B3GALT1: variants seen among roughly 807,000 people sequenced by gnomAD.
B3GALT1 encodes UDP-Gal:betaGlcNAc beta 1,3-galactosyltransferase, polypeptide 1.
Under a neutral mutation model 23.2 loss-of-function variants are expected in B3GALT1, and 10 were observed. The ratio of observed to expected loss-of-function variants is 0.43; its 90% CI spans 0.27 to 0.73. B3GALT1 has a LOEUF of 0.73. Among genes scored for constraint, B3GALT1 ranks in the 30% least tolerant of loss-of-function variants. The probability of loss-of-function intolerance (pLI) is 0.21; values close to 1 mark genes in which losing one functional copy is unlikely to be tolerated. For missense variants in B3GALT1, 299 were observed against 405.4 expected (o/e 0.74, Z 2.25); for synonymous variants, 156 against 141.5 (o/e 1.10, Z -0.73).
intron 3 of B3GALT1, among the ~76,000 whole-genome samples, chr2:167,650,839 A>G (rs2105463777): frequency 6.6e-6 from 1 of 152,264 alleles, no homozygotes; most frequent in Non-Finnish European, 1.5e-5. Context: ...AGTTCAAAGA[A>G]GAAATACTCC....
At chr2:167,426,766 G>A (rs898666376) in intron 1 of B3GALT1, among the ~76,000 whole-genome samples, 8 of 152,122 alleles carry the variant, frequency 5.3e-5, no homozygotes, top group African/African-American at 1.7e-4. Flanking sequence ...ATGCACTGCC[G>A]ATAAGTGTAT....
At chr2:167,368,888 G>A (rs187215087) in intron 1 of B3GALT1, among the ~76,000 whole-genome samples, 3 of 151,760 alleles carry the variant, frequency 2.0e-5, no homozygotes, top group Admixed American at 2.0e-4. Context: ...GGTATTGCAT[G>A]CTTCCCCCCC....
rs189669743 is a variant in B3GALT1 at position 167,717,466 on chromosome 2, G to C, written c.-352+70500G>C. Among the ~76,000 whole-genome samples, 5 of 146,352 alleles carry C rather than the reference G, an allele frequency of 3.4e-5. No individual in the cohort carries two copies. In the East Asian group the frequency reaches 8.3e-4, roughly 24 times the overall value. Reference sequence around the variant, plus strand: ...ACTATACATGTTTTATACAGTGATAGTCATGTTGTTATACATAGTTTTTTT... The same window carrying C: ...ACTATACATGTTTTATACAGTGATACTCATGTTGTTATACATAGTTTTTTT... On this transcript the variant is annotated intron_variant, in intron 3 of 4. Transcript: ENST00000392690.
At chr2:167,372,176 C>T (rs1174332920) in intron 1 of B3GALT1, among the ~76,000 whole-genome samples, 1 of 151,878 alleles carries the variant, frequency 6.6e-6, no homozygotes, top group Non-Finnish European at 1.5e-5. Flanking sequence ...AAATGAAAAG[C>T]TAATGTAACA....
intron 1 of B3GALT1, among the ~76,000 whole-genome samples, chr2:167,331,500 C>A (rs1200883262): frequency 6.6e-6 from 1 of 152,144 alleles, no homozygotes; most frequent in African/African-American, 2.4e-5. Context: ...ATGGGTTGTA[C>A]AAGCTGGTCC....
chr2:167,628,964 C>T (rs1212156511), intron 2 of B3GALT1, among the ~76,000 whole-genome samples: 1 of 151,474 alleles, frequency 6.6e-6, no homozygotes, highest in Non-Finnish European at 1.5e-5. Context: ...AGAAAATGCG[C>T]CAGAATCTAG....
intron 2 of B3GALT1, among the ~76,000 whole-genome samples, chr2:167,627,991 G>T (rs1321844423): frequency 6.6e-6 from 1 of 151,562 alleles, no homozygotes; most frequent in Non-Finnish European, 1.5e-5. Context: ...TTTTCTACCT[G>T]CCTCAATTCT....
intron 1 of B3GALT1, among the ~76,000 whole-genome samples, chr2:167,313,827 T>C (rs755808358): frequency 6.6e-6 from 1 of 152,168 alleles, no homozygotes; most frequent in African/African-American, 2.4e-5. Context: ...TCCAGGTCAC[T>C]GGGAGTCACT....
intron 2 of B3GALT1, among the ~76,000 whole-genome samples, chr2:167,643,670 C>T (rs1685693787): frequency 6.6e-6 from 1 of 152,176 alleles, no homozygotes. Flanking sequence ...TCCATACACC[C>T]AGCCCTCCTA....
intron 3 of B3GALT1, among the ~76,000 whole-genome samples, chr2:167,790,920 C>A (rs541080544): frequency 6.6e-6 from 1 of 152,102 alleles, no homozygotes; most frequent in African/African-American, 2.4e-5. Context: ...TTAAACAAGG[C>A]GCTTCCCTTT....
chr2:167,865,781 G>A (rs1690202774), intron 4 of B3GALT1, among the ~76,000 whole-genome samples: 1 of 152,270 alleles, frequency 6.6e-6, no homozygotes, highest in South Asian at 2.1e-4. Context: ...AACAGAGCGA[G>A]ACTCCGTCTC....
chr2:167,431,105 G>A (rs1351765002), intron 1 of B3GALT1, among the ~76,000 whole-genome samples: 1 of 152,160 alleles, frequency 6.6e-6, no homozygotes, highest in Non-Finnish European at 1.5e-5. Flanking sequence ...AGCCAATTGA[G>A]TGGATAGTAC....
intron 2 of B3GALT1, among the ~76,000 whole-genome samples, chr2:167,636,777 T>C (rs1362775316): frequency 2.0e-5 from 3 of 151,556 alleles, no homozygotes; most frequent in African/African-American, 7.3e-5. Flanking sequence ...TAAGTGGGAG[T>C]TGAACAATGA....
intron 2 of B3GALT1, among the ~76,000 whole-genome samples, chr2:167,500,183 T>G (rs1190182823): frequency 6.6e-6 from 1 of 152,194 alleles, no homozygotes; most frequent in East Asian, 1.9e-4. Context: ...GGATAGAAGA[T>G]GCAGTTTTGC....
Position 167,692,395 on chromosome 2 carries a change from G to A in B3GALT1, c.-352+45429G>A, listed in dbSNP as rs139951013. 1.3e-3 allele frequency among the ~76,000 whole-genome samples: 195 copies of A among 152,084 alleles called. 5 individuals carry two copies. The East Asian group carries it at 0.03, about 23-fold the overall frequency. On this transcript the variant is annotated intron_variant, in intron 3 of 4. Transcript: ENST00000392690. ...TTCCATGGCCTTTGGGGTAATTTGC[G>A]TAATCATGTACTTAGAGTCTACCTT...
intron 2 of B3GALT1, among the ~76,000 whole-genome samples, chr2:167,583,007 A>G (rs1684515196): frequency 6.6e-6 from 1 of 152,090 alleles, no homozygotes; most frequent in South Asian, 2.1e-4. Context: ...ACCCCTAGTG[A>G]CTTGGTTGAA....
intron 4 of B3GALT1, among the ~76,000 whole-genome samples, chr2:167,819,830 A>C (rs1234959105): frequency 1.3e-5 from 2 of 152,140 alleles, no homozygotes; most frequent in African/African-American, 4.8e-5. Context: ...AATTCATAGT[A>C]ATTTGCACTG....
chr2:167,688,537 T>A (rs1327604425), intron 3 of B3GALT1, among the ~76,000 whole-genome samples: 1 of 151,998 alleles, frequency 6.6e-6, no homozygotes, highest in South Asian at 2.1e-4. Context: ...ATAGGTGGCT[T>A]AACAATAGAA....
chr2:167,325,427 AAG>A (rs1574033280), intron 1 of B3GALT1, among the ~76,000 whole-genome samples: 1 of 151,894 alleles, frequency 6.6e-6, no homozygotes, highest in Admixed American at 6.6e-5. Context: ...GAGCGGGAAG[AAG>A]AGAGAGAGAA....
Sources: allele counts gnomAD v4.1 joint callset (sites outside exome capture counted in the v4.1 genomes callset), GRCh38; gene constraint gnomAD v4.1.1; transcripts MANE v1.5; gene names NCBI Gene and HGNC (gene_info 2026-07-23, HGNC 2026-07-21).